LVRN: variants seen among roughly 807,000 people sequenced by gnomAD.
LVRN encodes laeverin, also known as aminopeptidase Q.
In LVRN, 99 loss-of-function variants were observed where a neutral mutation model predicts 111.4. The observed-to-expected ratio is 0.89, with a 90% CI of 0.76 to 1.05. The LOEUF (loss-of-function observed/expected upper bound fraction) is 1.05. Among genes scored for constraint, LVRN ranks in the 50% least tolerant of loss-of-function variants. LVRN has a pLI of 0.00. For synonymous variants in LVRN, 488 were observed against 449.5 expected, an observed-to-expected ratio of 1.09 and a Z score of -1.08; for missense variants, 1,414 against 1,206.8, an observed-to-expected ratio of 1.17 and a Z score of -2.54.
intron 6 of LVRN, among the ~76,000 whole-genome samples, chr5:115,999,254 A>G (rs1475249279): frequency 6.6e-6 from 1 of 152,220 alleles, no homozygotes; most frequent in Admixed American, 6.5e-5. Flanking sequence ...GCCTTATCTT[A>G]ATGCATGAGC....
intron 18 of LVRN, among the ~76,000 whole-genome samples, chr5:116,019,209 A>C (rs1375184823): frequency 6.6e-6 from 1 of 151,766 alleles, no homozygotes; most frequent in Non-Finnish European, 1.5e-5. Context: ...TGTGTATTTA[A>C]ACATATCTAA....
chr5:116,001,369 T>C, intron 10 of LVRN, 130 bp downstream of exon 10: 1 of 1,084,340 alleles, frequency 9.2e-7, no homozygotes, highest in Non-Finnish European at 1.4e-6. Context: ...GACTGTGTAC[T>C]AGGGTGAAGC....
chr5:115,970,529 C>T (rs7728859), intron 1 of LVRN, among the ~76,000 whole-genome samples: 121,207 of 151,716 alleles, frequency 0.8, 48,605 homozygotes, highest in African/African-American at 0.84. Flanking sequence ...ATTACAGGCA[C>T]GCGCCACCAC....
intron 13 of LVRN, among the ~76,000 whole-genome samples, chr5:116,006,362 G>A (rs74523159): frequency 2.5e-4 from 38 of 152,112 alleles, no homozygotes; most frequent in African/African-American, 8.7e-4. Flanking sequence ...AGGAATATAT[G>A]TAATACATTA....
chr5:115,970,428 G>A (rs1753298276), intron 1 of LVRN, among the ~76,000 whole-genome samples: 1 of 147,828 alleles, frequency 6.8e-6, no homozygotes, highest in Non-Finnish European at 1.5e-5. Flanking sequence ...CTGTCACCAG[G>A]CTGGAGTACA....
At chr5:115,977,088 C>T (rs1387720091) in intron 1 of LVRN, among the ~76,000 whole-genome samples, 2 of 152,298 alleles carry the variant, frequency 1.3e-5, no homozygotes, top group South Asian at 2.1e-4. Flanking sequence ...GCGTACCCTT[C>T]CCTGGTACTT....
chr5:116,014,500 CA>C lies in LVRN; in HGVS notation c.2427del (p.Lys809AsnfsTer35). 1.2e-6 allele frequency: 2 copies of C among 1,613,502 alleles called. No homozygotes were observed. The highest frequency in any genetic ancestry group is 1.7e-6 in the Non-Finnish European group (2 of 1,179,580). ...CTTCAGCTGTCAAAAGAACTTTTCG[CA>C]AAATGGGTGGATCATCCAGAAAATG... The part of the protein sequence containing the change: ...DCLQLSKELF[A>X]KWVDHPENEI... On this transcript the variant is annotated frameshift_variant, in exon 16 of 20. Transcript: ENST00000357872. LOFTEE classifies it high-confidence loss of function.
At chr5:115,966,383 T>G (rs965079278) in intron 1 of LVRN, among the ~76,000 whole-genome samples, 2 of 152,214 alleles carry the variant, frequency 1.3e-5, no homozygotes, top group South Asian at 2.1e-4. Flanking sequence ...ATAGTTTGAG[T>G]CTTTTTATTG....
chr5:115,968,888 G>A (rs951073868), intron 1 of LVRN, among the ~76,000 whole-genome samples: 1 of 152,208 alleles, frequency 6.6e-6, no homozygotes, highest in Admixed American at 6.5e-5. Flanking sequence ...ATGGAGGAAA[G>A]TTCTGTAGAG....
intron 1 of LVRN, among the ~76,000 whole-genome samples, chr5:115,974,321 A>C (rs1413604738): frequency 1.3e-5 from 2 of 152,220 alleles, no homozygotes; most frequent in Admixed American, 1.3e-4. Flanking sequence ...CTGAAGGTAC[A>C]TTCACTAGAG....
At position 115,983,153 on chromosome 5, in the gene LVRN, TG is replaced by T. The variant is rs1349587364; in HGVS notation, c.696-131del. 13 of 911,968 alleles carry T rather than the reference TG, an allele frequency of 1.4e-5. No individual in the cohort carries two copies. In the African/African-American group the frequency reaches 2.0e-4, roughly 14 times the overall value. 56.5% of individuals were successfully genotyped at this position (911,968 alleles called of 1,614,324 possible). ...ATTGGAGTGTGTTGGTGTGATGGGA[TG>T]GGCAGTGAGGAAGATGAGAGGAAAT... On this transcript the variant is annotated intron_variant, in intron 1 of 19. Coordinates refer to ENST00000357872, the MANE Select transcript of LVRN (RefSeq NM_173800.5).
intron 6 of LVRN, among the ~76,000 whole-genome samples, chr5:115,996,585 C>T (rs1166604489): frequency 6.6e-6 from 1 of 152,068 alleles, no homozygotes; most frequent in Admixed American, 6.6e-5. Context: ...GAATCATAGA[C>T]CCTTATGCAG....
At chr5:115,982,818 C>T (rs1268031214) in intron 1 of LVRN, among the ~76,000 whole-genome samples, 1 of 151,874 alleles carries the variant, frequency 6.6e-6, no homozygotes, top group South Asian at 2.1e-4. Context: ...CAAAATAAAA[C>T]TTTTTGTAAG....
rs1748014070 is a variant in LVRN at position 115,992,277 on chromosome 5, G to A, written c.1260G>A (p.Gln420=). 2 of 1,613,546 alleles carry A rather than the reference G, an allele frequency of 1.2e-6. No homozygotes were observed. Among genetic ancestry groups the A allele is most frequent in the Non-Finnish European group, 1.7e-6 (2 of 1,179,790 alleles). Residue 420 remains glutamine (Q), a splice_region_variant and synonymous_variant, in exon 5 of 20, where the codon CAG becomes CAA. Coordinates refer to ENST00000357872, the MANE Select transcript of LVRN (RefSeq NM_173800.5). ...SYVVSHEIGH[Q]WFGNLVTMNW... is the part of the protein sequence containing the mutation. Reference sequence around the variant, plus strand: ...TTGTCTCCCACGAGATTGGACACCAGGCATGTGGTAAAATGTTCTTTTTAT... The same window carrying A: ...TTGTCTCCCACGAGATTGGACACCAAGCATGTGGTAAAATGTTCTTTTTAT...
At chr5:115,973,570 T>G (rs1210969484) in intron 1 of LVRN, among the ~76,000 whole-genome samples, 1 of 152,214 alleles carries the variant, frequency 6.6e-6, no homozygotes, top group Non-Finnish European at 1.5e-5. Context: ...AACTATGACT[T>G]AAATTTATCT....
chr5:115,980,920 A>G (rs1753548099), intron 1 of LVRN, among the ~76,000 whole-genome samples: 1 of 152,068 alleles, frequency 6.6e-6, no homozygotes, highest in South Asian at 2.1e-4. Context: ...ATCCTGCTGG[A>G]TATCTTAATC....
chr5:115,971,447 G>T (rs1190733059), intron 1 of LVRN, among the ~76,000 whole-genome samples: 1 of 152,014 alleles, frequency 6.6e-6, no homozygotes, highest in East Asian at 1.9e-4. Context: ...CCTTCTTTCA[G>T]AAGTTTTATA....
intron 10 of LVRN, among the ~76,000 whole-genome samples, chr5:116,002,006 C>A (rs1748247893): frequency 6.6e-6 from 1 of 152,156 alleles, no homozygotes; most frequent in Non-Finnish European, 1.5e-5. Flanking sequence ...CATTTCATTG[C>A]AGTATCAGCA....
intron 11 of LVRN, 49 bp downstream of exon 11, chr5:116,002,960 G>T (rs575282492): frequency 7.3e-7 from 1 of 1,363,132 alleles, no homozygotes; most frequent in Non-Finnish European, 1.0e-6. Context: ...ATATGTAAAG[G>T]CAGGGAATAA....
Sources: gnomAD v4.1 joint callset for allele counts (sites outside exome capture counted in the v4.1 genomes callset) on GRCh38, gnomAD v4.1.1 for gene constraint, MANE v1.5 for transcripts, NCBI Gene and HGNC (gene_info 2026-07-23, HGNC 2026-07-21) for gene names.